NOTCH2: variants seen among roughly 807,000 people sequenced by gnomAD.
The protein encoded by NOTCH2 is notch receptor 2.
A neutral mutation model predicts 235.8 loss-of-function variants in NOTCH2; 29 were observed. The observed-to-expected ratio is 0.12, with a 90% CI of 0.09 to 0.17. NOTCH2 has a LOEUF of 0.17. Ranked by LOEUF, NOTCH2 falls within the 10% of genes least tolerant of loss-of-function variation. The pLI, the probability that NOTCH2 is intolerant of heterozygous loss-of-function variation, is 1.00. For missense variants in NOTCH2, 2,285 were observed against 3,150.2 expected, an observed-to-expected ratio of 0.73 and a Z score of 6.57; for synonymous variants, 1,086 against 1,141.5, an observed-to-expected ratio of 0.95 and a Z score of 0.98.
At position 119,987,053 on chromosome 1, in the gene NOTCH2, T is replaced by G; in HGVS notation, c.781A>C (p.Ile261Leu). ...GFEGSTCERN[I>L]DDCPNHRCQN... is the part of the protein sequence containing the mutation. Reference sequence around the variant, plus strand: ...CACCTGTGGTTAGGGCAGTCATCAATATTCCTCTCACAGGTGCTCCCTTCA... The same window carrying G: ...CACCTGTGGTTAGGGCAGTCATCAAGATTCCTCTCACAGGTGCTCCCTTCA... The change falls in exon 5 of 34, where the codon ATT (isoleucine) becomes CTT (leucine). Residue 261 changes from isoleucine to leucine, a missense_variant. This residue lies in a region of NOTCH2 where 431 missense variants were observed against 757.8 expected (regional missense o/e 0.57). Coordinates refer to ENST00000256646, the MANE Select transcript of NOTCH2 (RefSeq NM_024408.4). 6.2e-7 allele frequency: 1 copy of G among 1,613,694 alleles called. No individual in the cohort carries two copies. Among genetic ancestry groups the G allele is most frequent in the East Asian group, 2.2e-5 (1 of 44,864 alleles).
intron 2 of NOTCH2, among the ~76,000 whole-genome samples, chr1:120,027,662 T>A (rs1653918824): frequency 6.6e-6 from 1 of 151,414 alleles, no homozygotes; most frequent in Non-Finnish European, 1.5e-5. Context: ...GTGTGTGATG[T>A]TCCCCTCCCT....
At chr1:119,953,403 T>C in intron 14 of NOTCH2, 140 bp downstream of exon 14, 5 of 858,594 alleles carry the variant, frequency 5.8e-6, no homozygotes, top group Admixed American at 5.5e-5. Flanking sequence ...ATTCCCCAAG[T>C]GCCTTACAAG....
At chr1:119,937,201 G>A (rs1649885451) in intron 21 of NOTCH2, 81 bp downstream of exon 21, 1 of 1,356,920 alleles carries the variant, frequency 7.4e-7, no homozygotes, top group Non-Finnish European at 1.1e-6. Context: ...GATACAAGCA[G>A]CTAAATTCAA....
intron 8 of NOTCH2, among the ~76,000 whole-genome samples, 156 bp from the exon 9 acceptor site, chr1:119,966,645 A>C (rs1003225402): frequency 6.6e-6 from 1 of 152,154 alleles, no homozygotes. Context: ...TAGTCACTCC[A>C]AGTGTCAAGC....
intron 2 of NOTCH2, among the ~76,000 whole-genome samples, chr1:120,025,487 C>T (rs1242823474): frequency 2.0e-5 from 3 of 149,508 alleles, no homozygotes; most frequent in East Asian, 2.0e-4. Context: ...CCCACCCTAA[C>T]GTGTCCTAAA....
At chr1:119,983,077 G>T (rs1187778005) in intron 5 of NOTCH2, among the ~76,000 whole-genome samples, 1 of 152,048 alleles carries the variant, frequency 6.6e-6, no homozygotes, top group African/African-American at 2.4e-5. Context: ...TGGTAAAAAG[G>T]AATAGGGGAA....
rs369508490 is a variant in NOTCH2 at position 120,069,543 on chromosome 1, C to G, written c.-137G>C. 4.9e-5 allele frequency: 70 copies of G among 1,415,716 alleles called. No individual in the cohort carries two copies. The highest frequency in any genetic ancestry group is 3.1e-4 in the Admixed American group (10 of 31,834). The allele number at this position is 1,415,716 out of a possible 1,614,324, so 87.7% of individuals were successfully genotyped here. A position where few individuals can be genotyped will look rare whatever the true frequency, so the allele number is the denominator to read the frequency against. On this transcript the variant is annotated 5_prime_UTR_variant, in exon 1 of 34. Transcript: ENST00000256646. ...AGGCTCAGGCCCTGGCGCTACGCTCCGAAGCCCAGGCGCAAATGCCTCGAC... is the reference window on the plus strand; with the variant it reads ...AGGCTCAGGCCCTGGCGCTACGCTCGGAAGCCCAGGCGCAAATGCCTCGAC...
chr1:119,926,930 T>G (rs185528067), intron 23 of NOTCH2, among the ~76,000 whole-genome samples: 2 of 152,326 alleles, frequency 1.3e-5, no homozygotes, highest in Admixed American at 1.3e-4. Context: ...TTGAAGTCAT[T>G]TTAGCTTTCA....
rs10695258 is a variant in NOTCH2, at chr1:119,953,313, C to CAAA, written c.2365+227_2365+229dup. On this transcript the variant is annotated intron_variant, in intron 14 of 33. Transcript: ENST00000256646. ...GGGCAACAAGAGCAAAACTCTGTGT[C>CAAA]AAAAAAAAAAAAAATTACTATTTCA... Among the ~76,000 whole-genome samples the CAAA allele has an allele frequency of 6.7e-3, 966 of 143,950 alleles. 7 individuals carry two copies. The highest frequency in any genetic ancestry group is 0.015 in the African/African-American group (594 of 40,418). 94.4% of individuals were successfully genotyped at this position (143,950 alleles called of 152,430 possible).
At chr1:119,968,026 T>C in intron 7 of NOTCH2, 51 bp downstream of exon 7, 1 of 1,607,032 alleles carries the variant, frequency 6.2e-7, no homozygotes, top group South Asian at 1.1e-5. Flanking sequence ...TTTAAACATT[T>C]GCTGAGCTCA....
At chr1:119,946,567 C>T (rs587736047) in intron 17 of NOTCH2, among the ~76,000 whole-genome samples, 9 of 152,064 alleles carry the variant, frequency 5.9e-5, no homozygotes, top group African/African-American at 1.9e-4. Flanking sequence ...AATAATATCA[C>T]CATGTCAACA....
intron 21 of NOTCH2, among the ~76,000 whole-genome samples, chr1:119,936,703 T>G (rs1553195765): frequency 6.6e-6 from 1 of 152,246 alleles, no homozygotes. Context: ...TGGTATCAAA[T>G]TAATGTCTCA....
At chr1:120,065,808 G>A (rs111334782) in intron 1 of NOTCH2, among the ~76,000 whole-genome samples, 7,369 of 152,144 alleles carry the variant, frequency 0.048, 200 homozygotes, top group South Asian at 0.11. Flanking sequence ...AAGGGTGGAA[G>A]GAAAATCAAT....
chr1:119,957,829 AACACACACACACACACACAC>A (rs3222739), intron 12 of NOTCH2, among the ~76,000 whole-genome samples: 29 of 116,500 alleles, frequency 2.5e-4, no homozygotes, highest in South Asian at 6.8e-4. Flanking sequence ...GCCTTATATA[AACACACACACACACACACAC>A]ACACACACAC....
chr1:119,929,099 C>A lies in NOTCH2; in HGVS notation c.3769G>T (p.Ala1257Ser), dbSNP rs1488471015. ...GYSCRCLPGFAGERCEGDINE... is the reference protein window; with the variant it reads ...GYSCRCLPGFSGERCEGDINE... ...ATGTCTCCCTCACAACGCTCCCCAG[C>A]AAAGCCAGGCAAGCAGCGACAACTG... The change falls in exon 23 of 34, where the codon GCT becomes TCT. Residue 1257 changes from alanine (A) to serine (S), a missense_variant. Coordinates refer to ENST00000256646, the MANE Select transcript of NOTCH2 (RefSeq NM_024408.4). 9 of 1,614,092 alleles carry A rather than the reference C, an allele frequency of 5.6e-6. No individual in the cohort carries two copies. Among genetic ancestry groups the A allele is most frequent in the Non-Finnish European group, 5.9e-6 (7 of 1,180,038 alleles).
At chr1:120,041,057 A>T (rs1424859502) in intron 1 of NOTCH2, among the ~76,000 whole-genome samples, 4 of 111,702 alleles carry the variant, frequency 3.6e-5, no homozygotes, top group South Asian at 3.0e-4. Context: ...AAAAAAAAAA[A>T]AAAAAAAAAA....
chr1:119,920,432 G>T (rs983508860), intron 29 of NOTCH2, 35 bp from the exon 30 acceptor site: 33 of 1,612,250 alleles, frequency 2.0e-5, no homozygotes, highest in Non-Finnish European at 2.7e-5. Flanking sequence ...TATCAATCTG[G>T]CCACCACCAG....
intron 17 of NOTCH2, among the ~76,000 whole-genome samples, chr1:119,947,467 C>T (rs1650301452): frequency 6.6e-6 from 1 of 152,132 alleles, no homozygotes; most frequent in African/African-American, 2.4e-5. Flanking sequence ...TGAAATACCA[C>T]TCTACACCCA....
Position 120,069,500 on chromosome 1 carries a change from C to A in NOTCH2, c.-94G>T. Reference sequence around the variant, plus strand: ...CGATAGAGGAGCCCCACTCTCTCCTCCCCTCCTCCTGCTTCAAAGGCTCAG... The same window carrying A: ...CGATAGAGGAGCCCCACTCTCTCCTACCCTCCTCCTGCTTCAAAGGCTCAG... On this transcript the variant is annotated 5_prime_UTR_variant, in exon 1 of 34. Coordinates refer to ENST00000256646, the MANE Select transcript of NOTCH2 (RefSeq NM_024408.4). 1.4e-6 allele frequency: 2 copies of A among 1,464,278 alleles called. No homozygotes were observed. The highest frequency in any genetic ancestry group is 2.7e-5 in the East Asian group (1 of 37,408). The allele number at this position is 1,464,278 out of a possible 1,614,324, so 90.7% of individuals were successfully genotyped here.
Sources: gnomAD v4.1 joint callset for allele counts (sites outside exome capture counted in the v4.1 genomes callset) on GRCh38, gnomAD v4.1.1 for gene constraint, gnomAD v4.1.1 regional missense constraint, MANE v1.5 for transcripts, NCBI Gene and HGNC (gene_info 2026-07-23, HGNC 2026-07-21) for gene names.